Variants in SLC35A3 observed in about 807,000 individuals in gnomAD.
SLC35A3 encodes UDP-N-acetylglucosamine transporter.
Under a neutral mutation model 39.0 loss-of-function variants are expected in SLC35A3, and 26 were observed. That is an observed-to-expected ratio of 0.67 (90% CI 0.49 to 0.92). SLC35A3 has a LOEUF of 0.92. Ranked by LOEUF, SLC35A3 falls within the 40% of genes least tolerant of loss-of-function variation. The pLI is 0.00. For synonymous variants in SLC35A3, 135 were observed against 133.1 expected (o/e 1.01, Z -0.10); for missense variants, 299 against 371.6 (o/e 0.80, Z 1.61).
intron 1 of SLC35A3, among the ~76,000 whole-genome samples, chr1:99,979,421 C>T (rs1379117649): frequency 6.7e-6 from 1 of 149,544 alleles, no homozygotes; most frequent in Non-Finnish European, 1.5e-5. Context: ...CTGTATTCTC[C>T]TTTTCTTTCT....
At chr1:99,990,996 C>G (rs1323364263) in intron 1 of SLC35A3, among the ~76,000 whole-genome samples, 1 of 152,196 alleles carries the variant, frequency 6.6e-6, no homozygotes, top group Non-Finnish European at 1.5e-5. Context: ...TTCCAGCCTG[C>G]AGAACTGTGA....
In SLC35A3 at chr1:100,024,795, A is replaced by AT. The variant is rs1425735172; in HGVS notation, c.*2324dup. The AT allele has an allele frequency of 3.8e-5, 15 of 394,916 alleles. No individual in the cohort carries two copies. Among genetic ancestry groups the AT allele is most frequent in the Non-Finnish European group, 4.5e-5 (10 of 224,416 alleles). 24.5% of individuals were successfully genotyped at this position (394,916 alleles called of 1,614,324 possible). A position where few individuals can be genotyped will look rare whatever the true frequency, so the allele number is the denominator to read the frequency against. On this transcript the variant is annotated 3_prime_UTR_variant, in exon 8 of 8. Transcript: ENST00000533028. ...ACTGCGCCCGGCCTATACTGTATAT[A>AT]TTTTTAAAGACTGTTCTAATAGATA...
In SLC35A3 at chr1:100,033,338, A is replaced by T. The variant is rs567551315; in HGVS notation, c.*10862A>T. On this transcript the variant is annotated 3_prime_UTR_variant, in exon 8 of 8. Coordinates refer to ENST00000533028, the MANE Select transcript of SLC35A3 (RefSeq NM_012243.3). ...TTTTTTCGAAAAGTTTTATATGAAA[A>T]GTGTACTCTGAAAAAATCTAGCTGT... 2.0e-4 allele frequency: 30 copies of T among 152,114 alleles called. 1 individual carries two copies. The highest frequency in any genetic ancestry group is 7.2e-4 in the African/African-American group (30 of 41,512). The allele number at this position is 152,114 out of a possible 1,614,324, so 9.4% of individuals were successfully genotyped here.
intron 1 of SLC35A3, chr1:99,970,619 T>G (rs2100998140): frequency 1.3e-6 from 2 of 1,536,068 alleles, no homozygotes; most frequent in South Asian, 1.2e-5. Context: ...CCGCAGGAAC[T>G]TAAAGAAATG....
At chr1:99,981,649 T>C (rs1048500587) in intron 1 of SLC35A3, among the ~76,000 whole-genome samples, 1 of 151,244 alleles carries the variant, frequency 6.6e-6, no homozygotes, top group Non-Finnish European at 1.5e-5. Flanking sequence ...CCTGGCTAAT[T>C]TTTGTATTTT....
chr1:100,016,501 G>A (rs1441766672), intron 6 of SLC35A3, among the ~76,000 whole-genome samples: 1 of 151,202 alleles, frequency 6.6e-6, no homozygotes, highest in East Asian at 1.9e-4. Flanking sequence ...AGCCTCCCAA[G>A]TAGCTGGGAC....
At chr1:100,011,820 G>T (rs935574615) in intron 5 of SLC35A3, among the ~76,000 whole-genome samples, 1 of 151,334 alleles carries the variant, frequency 6.6e-6, no homozygotes, top group Non-Finnish European at 1.5e-5. Context: ...CCAGGTTCAC[G>T]CCATTCTCCA....
chr1:99,987,212 C>T (rs1025011008), intron 1 of SLC35A3, among the ~76,000 whole-genome samples: 9 of 152,178 alleles, frequency 5.9e-5, no homozygotes, highest in Admixed American at 1.3e-4. Flanking sequence ...TCACTATTTT[C>T]GTCATTTTAA....
At chr1:100,010,032 A>G (rs550557661) in intron 4 of SLC35A3, among the ~76,000 whole-genome samples, 1 of 152,288 alleles carries the variant, frequency 6.6e-6, no homozygotes, top group East Asian at 1.9e-4. Context: ...AGCCATATGT[A>G]GCTATTTAAA....
intron 1 of SLC35A3, among the ~76,000 whole-genome samples, chr1:99,984,353 T>A (rs1285553071): frequency 1.3e-5 from 2 of 152,212 alleles, no homozygotes; most frequent in South Asian, 4.1e-4. Context: ...GTTTGGTTTT[T>A]CATTCCTGAA....
chr1:99,985,143 C>T (rs1410453134), intron 1 of SLC35A3, among the ~76,000 whole-genome samples: 1 of 152,136 alleles, frequency 6.6e-6, no homozygotes, highest in Non-Finnish European at 1.5e-5. Flanking sequence ...AAGTCTTTGC[C>T]TAAGCCAATG....
rs1657241087 is a variant in SLC35A3, at chr1:99,978,264, A to G, written c.-19+8102A>G. ...AAAGAGGCCGGGCAGGGTGGCTCAT[A>G]CCTGCAATCCCAGCACTGTGGGAAG... is the stretch of plus-strand genomic sequence containing the variant. On this transcript the variant is annotated intron_variant, in intron 1 of 7. Transcript: ENST00000533028. 2.0e-5 allele frequency among the ~76,000 whole-genome samples: 3 copies of G among 152,110 alleles called. No homozygotes were observed. In the South Asian group the frequency reaches 6.2e-4, roughly 32 times the overall value.
chr1:100,015,606 C>A lies in SLC35A3; in HGVS notation c.753+186C>A, dbSNP rs521348. The stretch of plus-strand genomic sequence containing the variant: ...TGCTGTAATGAAATCTTATTTTGTA[C>A]AGGGGTCTTTAATGAACTTTGTGGT... On this transcript the variant is annotated intron_variant, in intron 6 of 7. Transcript: ENST00000533028. 0.12 allele frequency: 65,646 copies of A among 552,888 alleles called. 4,932 individuals are homozygous for A. The highest frequency in any genetic ancestry group is 0.3 in the African/African-American group (15,345 of 51,522). The allele number at this position is 552,888 out of a possible 1,614,324, so 34.2% of individuals were successfully genotyped here.
intron 4 of SLC35A3, among the ~76,000 whole-genome samples, chr1:100,011,038 C>T (rs1180922199): frequency 1.4e-5 from 2 of 148,082 alleles, no homozygotes; most frequent in African/African-American, 5.0e-5. Context: ...GATTCTCATT[C>T]TTTCTTCTAC....
rs918920237 is a variant in SLC35A3 at position 100,023,889 on chromosome 1, C to G, written c.*1413C>G. ...GGGTGTGGTGGCACGCACCTGTAGTCCCAGCTACTCGGGAGACTGAGGCAG... is the reference window on the plus strand; with the variant it reads ...GGGTGTGGTGGCACGCACCTGTAGTGCCAGCTACTCGGGAGACTGAGGCAG... On this transcript the variant is annotated 3_prime_UTR_variant, in exon 8 of 8. Transcript: ENST00000533028. 4 of 152,440 alleles carry G rather than the reference C, an allele frequency of 2.6e-5. No homozygotes were observed. The highest frequency in any genetic ancestry group is 4.4e-5 in the Non-Finnish European group (3 of 68,334). 9.4% of individuals were successfully genotyped at this position (152,440 alleles called of 1,614,324 possible).
rs1661431416 is a variant in SLC35A3, at chr1:100,035,148, A to G, written c.*12672A>G. 1 of 152,326 alleles carries G rather than the reference A, an allele frequency of 6.6e-6. No individual in the cohort carries two copies. The highest frequency in any genetic ancestry group is 2.4e-5 in the African/African-American group (1 of 41,582). The allele number at this position is 152,326 out of a possible 1,614,324, so 9.4% of individuals were successfully genotyped here. On this transcript the variant is annotated 3_prime_UTR_variant, in exon 8 of 8. Transcript: ENST00000533028. ...ATCAGTGGATGCTAAAGTCCCTTAC[A>G]TAAAATGGCATAGTATTTGGTTATC...
At chr1:99,997,855 G>A (rs1658515518) in intron 2 of SLC35A3, among the ~76,000 whole-genome samples, 1 of 152,004 alleles carries the variant, frequency 6.6e-6, no homozygotes, top group Non-Finnish European at 1.5e-5. Context: ...AGTGGTTAGA[G>A]GATTTCCAAC....
intron 1 of SLC35A3, among the ~76,000 whole-genome samples, chr1:99,990,046 T>G (rs982092115): frequency 2.0e-5 from 3 of 152,192 alleles, no homozygotes; most frequent in African/African-American, 7.2e-5. Flanking sequence ...TGTGAGCCAC[T>G]GCACCTGGCC....
At position 100,019,170 on chromosome 1, in the gene SLC35A3, T is replaced by TA. The variant is rs566362940; in HGVS notation, c.887+1358dup. Among the ~76,000 whole-genome samples, 1,081 of 150,732 alleles carry TA rather than the reference T, an allele frequency of 7.2e-3. 8 individuals are homozygous for TA. The highest frequency in any genetic ancestry group is 0.025 in the African/African-American group (1,039 of 41,132). On this transcript the variant is annotated intron_variant, in intron 7 of 7. Coordinates refer to ENST00000533028, the MANE Select transcript of SLC35A3 (RefSeq NM_012243.3). The stretch of plus-strand genomic sequence containing the variant: ...TAAAAGCATACCTTTTTTTTTTTTT[T>TA]AAATTGAACCTTATGTAAGGCCGAG...
Sources: gnomAD v4.1 joint callset for allele counts (sites outside exome capture counted in the v4.1 genomes callset) on GRCh38, gnomAD v4.1.1 for gene constraint, MANE v1.5 for transcripts, NCBI Gene and HGNC (gene_info 2026-07-23, HGNC 2026-07-21) for gene names.